The following PPP2R2D variants were observed in gnomAD, a reference collection of about 807,000 sequenced individuals.
PPP2R2D encodes the protein serine/threonine-protein phosphatase 2A 55 kDa regulatory subunit B delta isoform.
Under a neutral mutation model 31.1 loss-of-function variants are expected in PPP2R2D, and 9 were observed. The observed-to-expected ratio is 0.29, with a 90% CI of 0.17 to 0.51. The LOEUF is 0.51. Among genes scored for constraint, PPP2R2D ranks in the 20% least tolerant of loss-of-function variants. The probability of loss-of-function intolerance (pLI) is 0.98; values close to 1 mark genes in which losing one functional copy is unlikely to be tolerated. For missense variants in PPP2R2D, 391 were observed against 465.6 expected, an observed-to-expected ratio of 0.84 and a Z score of 1.48; for synonymous variants, 179 against 172.6, an observed-to-expected ratio of 1.04 and a Z score of -0.29.
At chr10:131,911,302 C>G (rs987903369) in intron 2 of PPP2R2D, among the ~76,000 whole-genome samples, 7 of 152,224 alleles carry the variant, frequency 4.6e-5, no homozygotes, top group Admixed American at 3.3e-4. Context: ...GTCCCCACAC[C>G]TCTGGTGTCC....
In PPP2R2D at chr10:131,901,048, C is replaced by T. The variant is rs1175893898; in HGVS notation, c.-101C>T. On this transcript the variant is annotated 5_prime_UTR_variant, in exon 1 of 9. Coordinates refer to ENST00000455566, the MANE Select transcript of PPP2R2D (RefSeq NM_018461.5). ...GCGGCGGCGGCGGCGGCGGCGGCGC[C>T]GGCGGTGGTGGCGGCCCCGGGGCTG... is the stretch of plus-strand genomic sequence containing the variant. 2 of 162,562 alleles carry T rather than the reference C, an allele frequency of 1.2e-5. No individual in the cohort carries two copies. Among genetic ancestry groups the T allele is most frequent in the Non-Finnish European group, 2.6e-5 (2 of 77,364 alleles). 10.1% of individuals were successfully genotyped at this position (162,562 alleles called of 1,614,324 possible).
chr10:131,921,399 C>A (rs1554894234), intron 2 of PPP2R2D, among the ~76,000 whole-genome samples: 1 of 152,112 alleles, frequency 6.6e-6, no homozygotes, highest in Non-Finnish European at 1.5e-5. Flanking sequence ...TCATCCGTTG[C>A]CATTTGATGA....
chr10:131,933,405 C>G (rs1325218409), intron 2 of PPP2R2D, among the ~76,000 whole-genome samples: 1 of 152,106 alleles, frequency 6.6e-6, no homozygotes. Context: ...ATAAACGTAC[C>G]GTGGGCCCTG....
intron 8 of PPP2R2D, among the ~76,000 whole-genome samples, chr10:131,953,096 G>T: frequency 7.8e-6 from 1 of 128,162 alleles, no homozygotes; most frequent in Non-Finnish European, 1.6e-5. Flanking sequence ...CACTGTCTTA[G>T]CAGTGACTTG....
chr10:131,910,410 G>T (rs907542844), intron 2 of PPP2R2D, among the ~76,000 whole-genome samples: 207 of 152,282 alleles, frequency 1.4e-3, no homozygotes, highest in Non-Finnish European at 2.5e-3. Context: ...ATTAGCAGTA[G>T]TAGAGAAAAG....
chr10:131,918,295 AC>A (rs2035866911), intron 2 of PPP2R2D, among the ~76,000 whole-genome samples: 2 of 146,574 alleles, frequency 1.4e-5, no homozygotes, highest in South Asian at 4.4e-4. Flanking sequence ...GTGGAATGAC[AC>A]GGTGTAGGGA....
chr10:131,922,316 G>A (rs1361274856), intron 2 of PPP2R2D, among the ~76,000 whole-genome samples: 1 of 152,192 alleles, frequency 6.6e-6, no homozygotes, highest in African/African-American at 2.4e-5. Flanking sequence ...AATAAAAAGA[G>A]TGAATGTTAA....
intron 5 of PPP2R2D, among the ~76,000 whole-genome samples, chr10:131,943,230 T>C (rs1182256597): frequency 1.3e-5 from 2 of 152,128 alleles, no homozygotes; most frequent in Non-Finnish European, 2.9e-5. Flanking sequence ...CTCTGTCCTT[T>C]CTATTTCTGT....
intron 2 of PPP2R2D, among the ~76,000 whole-genome samples, chr10:131,926,822 C>T (rs782394180): frequency 6.6e-5 from 10 of 152,248 alleles, no homozygotes; most frequent in South Asian, 2.1e-4. Flanking sequence ...TGGCCTTGCC[C>T]GGCACCTTGC....
At chr10:131,906,148 T>A (rs988242829) in intron 2 of PPP2R2D, among the ~76,000 whole-genome samples, 1 of 152,336 alleles carries the variant, frequency 6.6e-6, no homozygotes, top group Non-Finnish European at 1.5e-5. Flanking sequence ...GACTGCAACC[T>A]GCTTACCTGC....
rs1180972580 is a variant in PPP2R2D at position 131,902,829 on chromosome 10, T to C, written c.100+1499T>C. ...GTGCAGTGGTGCGATCTGGGCTCACTGCAACCTCTGCCTCCTAGGCTCAAG... is the reference window on the plus strand; with the variant it reads ...GTGCAGTGGTGCGATCTGGGCTCACCGCAACCTCTGCCTCCTAGGCTCAAG... On this transcript the variant is annotated intron_variant, in intron 2 of 8. Transcript: ENST00000455566. Among the ~76,000 whole-genome samples the C allele has an allele frequency of 1.9e-4, 29 of 152,296 alleles. No individual in the cohort carries two copies. In the East Asian group the frequency reaches 5.6e-3, roughly 30 times the overall value.
In PPP2R2D at chr10:131,933,969, G is replaced by A. The variant is rs530036894; in HGVS notation, c.101-489G>A. 7.1e-4 allele frequency among the ~76,000 whole-genome samples: 108 copies of A among 152,200 alleles called. 2 individuals carry two copies. The South Asian group carries it at 0.021, about 30-fold the overall frequency. ...CAGACAATGACATGGAACTTCTACT[G>A]TCTAGAATATTACATTGTACAGAAG... On this transcript the variant is annotated intron_variant, in intron 2 of 8. Transcript: ENST00000455566.
chr10:131,970,908 A>G, the PPP2R2D span: 4,396 of 1,614,172 alleles, frequency 2.7e-3, 58 homozygotes, highest in Non-Finnish European at 1.6e-3. The surrounding 1 kb of genome is among the most constrained non-coding windows in gnomAD (Gnocchi z 4.1). Flanking sequence ...CCCATATCCA[A>G]TCTGAGTTTT....
intron 2 of PPP2R2D, among the ~76,000 whole-genome samples, chr10:131,930,106 A>C (rs1182303650): frequency 6.6e-6 from 1 of 152,278 alleles, no homozygotes; most frequent in African/African-American, 2.4e-5. Context: ...TTCCGTTAAC[A>C]GGTAAATATT....
At chr10:131,938,657 G>A (rs1359818837) in intron 3 of PPP2R2D, among the ~76,000 whole-genome samples, 3 of 152,184 alleles carry the variant, frequency 2.0e-5, no homozygotes, top group African/African-American at 7.2e-5. Context: ...TGTTCTGTAC[G>A]TACGTAAGCA....
In PPP2R2D at chr10:131,904,203, C is replaced by CAAA. The variant is rs1308536061; in HGVS notation, c.100+2887_100+2889dup. 1.4e-3 allele frequency among the ~76,000 whole-genome samples: 169 copies of CAAA among 117,504 alleles called. 2 individuals carry two copies. The highest frequency in any genetic ancestry group is 5.6e-3 in the Middle Eastern group (1 of 178). The allele number at this position is 117,504 out of a possible 152,430, so 77.1% of individuals were successfully genotyped here. ...TGGGCGTCAGAGCGAGACTCCGTCT[C>CAAA]AAAAAAAAAAAAAAAAGGAGAGAGA... On this transcript the variant is annotated intron_variant, in intron 2 of 8. Coordinates refer to ENST00000455566, the MANE Select transcript of PPP2R2D (RefSeq NM_018461.5).
chr10:131,954,490 G>A (rs1262369294), intron 8 of PPP2R2D, among the ~76,000 whole-genome samples: 4 of 152,234 alleles, frequency 2.6e-5, no homozygotes, highest in Non-Finnish European at 5.9e-5. Context: ...CCAAGACCAC[G>A]TGCACAGCTT....
intron 2 of PPP2R2D, among the ~76,000 whole-genome samples, chr10:131,927,776 C>T (rs1270720834): frequency 6.6e-6 from 1 of 152,182 alleles, no homozygotes; most frequent in South Asian, 2.1e-4. Context: ...TGGGGTGTTA[C>T]GCGATGGTCA....
chr10:131,941,546 T>G (rs1554897246), intron 5 of PPP2R2D, among the ~76,000 whole-genome samples: 3 of 151,822 alleles, frequency 2.0e-5, no homozygotes, highest in African/African-American at 7.3e-5. Flanking sequence ...TTGGGTGGTT[T>G]GGTTGCGGGG....
Sources: gnomAD v4.1 joint callset for allele counts (sites outside exome capture counted in the v4.1 genomes callset) on GRCh38, gnomAD v4.1.1 for gene constraint, Gnocchi (gnomAD v3.1) non-coding constraint, MANE v1.5 for transcripts, NCBI Gene and HGNC (gene_info 2026-07-23, HGNC 2026-07-21) for gene names.